Variants in SLC24A4 observed in about 807,000 individuals in gnomAD.
SLC24A4 encodes the protein solute carrier family 24 member 4.
SLC24A4 carries 53 observed loss-of-function variants against 79.0 expected under a neutral mutation model. The observed-to-expected ratio is 0.67, with a 90% CI of 0.54 to 0.84. The LOEUF (loss-of-function observed/expected upper bound fraction) is 0.84. Among genes scored for constraint, SLC24A4 ranks in the 40% least tolerant of loss-of-function variants. SLC24A4 has a pLI of 0.00. For missense variants in SLC24A4, 731 were observed against 822.0 expected, an observed-to-expected ratio of 0.89 and a Z score of 1.35; for synonymous variants, 323 against 323.8, an observed-to-expected ratio of 1.00 and a Z score of 0.03.
chr14:92,359,718 C>G (rs1887392025), intron 2 of SLC24A4, among the ~76,000 whole-genome samples: 1 of 152,174 alleles, frequency 6.6e-6, no homozygotes, highest in Admixed American at 6.5e-5. Flanking sequence ...AGTCAAGAAG[C>G]AGAGCATTGC....
chr14:92,338,210 A>C (rs1595133235), intron 2 of SLC24A4, among the ~76,000 whole-genome samples: 1 of 152,174 alleles, frequency 6.6e-6, no homozygotes, highest in Non-Finnish European at 1.5e-5. Context: ...TCTGGCCCTG[A>C]CACAACCTGA....
At chr14:92,342,532 C>T (rs1011690651) in intron 2 of SLC24A4, among the ~76,000 whole-genome samples, 11 of 152,080 alleles carry the variant, frequency 7.2e-5, no homozygotes, top group Non-Finnish European at 8.8e-5. Flanking sequence ...TACAGGCATG[C>T]GCCACCACGC....
At chr14:92,410,782 A>G (rs1890665609) in intron 2 of SLC24A4, among the ~76,000 whole-genome samples, 1 of 152,166 alleles carries the variant, frequency 6.6e-6, no homozygotes, top group Non-Finnish European at 1.5e-5. Context: ...GAACCCAGGC[A>G]GGGAAGGTCT....
rs766801004 is a variant in SLC24A4, at chr14:92,456,545, CAGCCACCACCGCCAG to C, written c.1198_1212del (p.Pro400_Pro404del). The C allele has an allele frequency of 5.0e-6, 8 of 1,614,008 alleles. No individual in the cohort carries two copies. The East Asian group carries it at 1.8e-4, about 36-fold the overall frequency. On this transcript the variant is annotated inframe_deletion, in exon 12 of 17. Coordinates refer to ENST00000532405, the MANE Select transcript of SLC24A4 (RefSeq NM_153646.4). ...GAATCAGGAGCAGCAGCCGCCGCCA[CAGCCACCACCGCCAG>C]AGCCAGAGCCGGTGGAGGCTGACTT...
chr14:92,460,994 G>A (rs576135533), intron 12 of SLC24A4, among the ~76,000 whole-genome samples: 13 of 152,322 alleles, frequency 8.5e-5, no homozygotes, highest in African/African-American at 2.9e-4. Flanking sequence ...GTGGGTGTGG[G>A]TAGGGGGAAA....
At chr14:92,390,163 C>T (rs1230528645) in intron 2 of SLC24A4, among the ~76,000 whole-genome samples, 4 of 152,118 alleles carry the variant, frequency 2.6e-5, no homozygotes, top group Non-Finnish European at 4.4e-5. Flanking sequence ...CCTGTGTCCC[C>T]TCCAGAGCCC....
intron 4 of SLC24A4, 82 bp from the exon 5 acceptor site, chr14:92,442,007 A>G (rs977739477): frequency 9.0e-7 from 1 of 1,113,824 alleles, no homozygotes; most frequent in Admixed American, 1.8e-5. Context: ...GCTCTCCTGC[A>G]TGCTCCTTGG....
At chr14:92,365,846 G>A (rs902603965) in intron 2 of SLC24A4, among the ~76,000 whole-genome samples, 6 of 152,154 alleles carry the variant, frequency 3.9e-5, no homozygotes, top group African/African-American at 7.2e-5. Flanking sequence ...GCCCAAGGTC[G>A]CATGGTGTAA....
At position 92,482,666 on chromosome 14, in the gene SLC24A4, C is replaced by A. The variant is rs1280778983; in HGVS notation, c.1256-14C>A. 6.2e-7 allele frequency: 1 copy of A among 1,601,856 alleles called. No homozygotes were observed. The highest frequency in any genetic ancestry group is 1.7e-5 in the Admixed American group (1 of 58,872). On this transcript the variant is annotated splice_polypyrimidine_tract_variant and intron_variant, in intron 12 of 16. Transcript: ENST00000532405. ...TCTCCCCCTCCTTTCTCACTCTGCC[C>A]CTTCACCCTGCAGAGGCCAGAGGGG...
chr14:92,474,843 G>GTGTGTGTA (rs779007741), intron 12 of SLC24A4, among the ~76,000 whole-genome samples: 1 of 23,884 alleles, frequency 4.2e-5, no homozygotes, highest in Admixed American at 6.1e-4. Context: ...GTGTGTGTGT[G>GTGTGTGTA]TATATATATA....
chr14:92,381,399 G>C (rs1431436855), intron 2 of SLC24A4, among the ~76,000 whole-genome samples: 1 of 152,142 alleles, frequency 6.6e-6, no homozygotes, highest in Non-Finnish European at 1.5e-5. Flanking sequence ...CATGGACACG[G>C]GGAGGGGAAC....
chr14:92,447,134 A>G (rs1446139370), intron 8 of SLC24A4, among the ~76,000 whole-genome samples: 1 of 152,016 alleles, frequency 6.6e-6, no homozygotes, highest in Non-Finnish European at 1.5e-5. Context: ...TGTCCTGCAG[A>G]CCTCTATAGT....
At chr14:92,375,661 A>G (rs1199356834) in intron 2 of SLC24A4, among the ~76,000 whole-genome samples, 1 of 152,234 alleles carries the variant, frequency 6.6e-6, no homozygotes. Flanking sequence ...CACAACATGG[A>G]TGAACTTGGA....
intron 2 of SLC24A4, among the ~76,000 whole-genome samples, chr14:92,385,409 A>T (rs1889095121): frequency 6.6e-6 from 1 of 151,922 alleles, no homozygotes. Context: ...AGGCAGGAGA[A>T]TCGCTTGAAC....
intron 12 of SLC24A4, chr14:92,457,292 G>GC (rs1893532666): frequency 1.1e-4 from 1 of 9,272 alleles, no homozygotes. Context: ...AGAACACACT[G>GC]TCATTCCTAG....
chr14:92,389,407 G>A (rs1177924730), intron 2 of SLC24A4, among the ~76,000 whole-genome samples: 1 of 152,112 alleles, frequency 6.6e-6, no homozygotes, highest in Non-Finnish European at 1.5e-5. Context: ...AAATGAACCA[G>A]ATCTGATTCC....
chr14:92,396,974 G>T (rs1448364766), intron 2 of SLC24A4, among the ~76,000 whole-genome samples: 1 of 152,170 alleles, frequency 6.6e-6, no homozygotes, highest in African/African-American at 2.4e-5. Context: ...TTTGGTTCCT[G>T]CCTTCAAAGC....
intron 2 of SLC24A4, among the ~76,000 whole-genome samples, chr14:92,343,580 T>TTTTATTTCTTTC (rs1354145614): frequency 1.2e-5 from 1 of 85,106 alleles, no homozygotes; most frequent in African/African-American, 4.4e-5. Context: ...TTAATTACTG[T>TTTTATTTCTTTC]TTTCTTTCTT....
chr14:92,471,192 T>G (rs531504981), intron 12 of SLC24A4, among the ~76,000 whole-genome samples: 2 of 152,314 alleles, frequency 1.3e-5, no homozygotes, highest in South Asian at 4.2e-4. Context: ...CCCATTACTG[T>G]TGTCCATACT....
Sources: gnomAD v4.1 joint callset for allele counts (sites outside exome capture counted in the v4.1 genomes callset) on GRCh38, gnomAD v4.1.1 for gene constraint, MANE v1.5 for transcripts, NCBI Gene and HGNC (gene_info 2026-07-23, HGNC 2026-07-21) for gene names.